The following NELL2 variants were observed in gnomAD, a reference collection of about 807,000 sequenced individuals.
NELL2 encodes the protein neural EGFL like 2, also known as protein kinase C-binding protein NELL2.
Under a neutral mutation model 109.6 loss-of-function variants are expected in NELL2, and 41 were observed. The observed-to-expected ratio is 0.37, with a 90% confidence interval of 0.29 to 0.49. NELL2 has a LOEUF of 0.49. Ranked by LOEUF, NELL2 falls within the 20% of genes least tolerant of loss-of-function variation. The pLI is 0.98. For synonymous variants in NELL2, 355 were observed against 344.7 expected (o/e 1.03, Z -0.33); for missense variants, 900 against 1,008.3 (o/e 0.89, Z 1.45).
Position 44,702,591 on chromosome 12 carries a change from A to G in NELL2, c.1318+1135T>C, listed in dbSNP as rs770438776. On this transcript the variant is annotated intron_variant, in intron 12 of 19. Transcript: ENST00000429094. Reference sequence around the variant, plus strand: ...AATCAAAATACATTAGTTTCCTAAGAAAGTTTACCTCTATGTTATGTAAGG... The same window carrying G: ...AATCAAAATACATTAGTTTCCTAAGGAAGTTTACCTCTATGTTATGTAAGG... 2.6e-5 allele frequency among the ~76,000 whole-genome samples: 4 copies of G among 152,300 alleles called. No individual in the cohort carries two copies. The South Asian group carries it at 8.3e-4, about 32-fold the overall frequency.
At chr12:44,918,879 G>T (rs1474081649), upstream of NELL2, among the ~76,000 whole-genome samples, 1 of 152,142 alleles carries the variant, frequency 6.6e-6, no homozygotes, top group Admixed American at 6.6e-5. Context: ...GGTAGTCCCT[G>T]ATTCCCAATG....
chr12:44,617,821 A>G (rs1945895430), intron 13 of NELL2, among the ~76,000 whole-genome samples: 1 of 152,004 alleles, frequency 6.6e-6, no homozygotes, highest in African/African-American at 2.4e-5. Context: ...CAGTGGGACA[A>G]TTTCTTTTGC....
intron 9 of NELL2, among the ~76,000 whole-genome samples, chr12:44,758,559 T>C (rs1307991660): frequency 6.6e-6 from 1 of 152,190 alleles, no homozygotes; most frequent in African/African-American, 2.4e-5. Context: ...GGTCAAAATA[T>C]GAAACACCTT....
intron 3 of NELL2, among the ~76,000 whole-genome samples, chr12:44,814,239 C>A (rs1366052116): frequency 1.3e-5 from 2 of 152,136 alleles, no homozygotes; most frequent in African/African-American, 4.8e-5. Context: ...TAAGGGATGT[C>A]ATCTGGAAGA....
chr12:44,766,125 C>T (rs1941325226), intron 9 of NELL2, among the ~76,000 whole-genome samples: 3 of 151,948 alleles, frequency 2.0e-5, no homozygotes. Flanking sequence ...CTGAATTCTG[C>T]TTTATCACAA....
chr12:44,587,307 A>ATATTTTTT (rs1302978950), intron 15 of NELL2, among the ~76,000 whole-genome samples: 10 of 96,646 alleles, frequency 1.0e-4, no homozygotes, highest in African/African-American at 4.2e-4. Context: ...ATATATATAT[A>ATATTTTTT]TTTTTTTTTA....
chr12:44,902,017 C>G (rs1945666294), intron 1 of NELL2, among the ~76,000 whole-genome samples: 1 of 152,174 alleles, frequency 6.6e-6, no homozygotes, highest in South Asian at 2.1e-4. Context: ...TCTCTCATCA[C>G]TCCTATTCAA....
chr12:44,850,803 T>C lies in NELL2; in HGVS notation c.184+24422A>G, dbSNP rs1944511309. Among the ~76,000 whole-genome samples the C allele has an allele frequency of 2.0e-5, 3 of 152,300 alleles. 1 individual carries two copies. The South Asian group carries it at 6.2e-4, about 32-fold the overall frequency. On this transcript the variant is annotated intron_variant, in intron 2 of 19. Transcript: ENST00000429094. ...GCCCTTGCAATACCATTAAATGGAA[T>C]CTGCTCCCAAAGGGACTGCATAAAC...
chr12:44,612,685 G>T (rs985452614), intron 13 of NELL2, among the ~76,000 whole-genome samples: 3 of 151,870 alleles, frequency 2.0e-5, no homozygotes, highest in Non-Finnish European at 2.9e-5. Context: ...TTTGAATGAG[G>T]TTTGCACCTG....
intron 3 of NELL2, among the ~76,000 whole-genome samples, chr12:44,783,164 T>C (rs934171062): frequency 6.6e-5 from 10 of 151,672 alleles, no homozygotes; most frequent in African/African-American, 2.2e-4. Flanking sequence ...CTCAGGGAAA[T>C]TTTTAAAAAT....
intron 9 of NELL2, among the ~76,000 whole-genome samples, chr12:44,743,251 T>C (rs1244888498): frequency 6.6e-6 from 1 of 152,130 alleles, no homozygotes; most frequent in Non-Finnish European, 1.5e-5. Flanking sequence ...AAGCAAATGC[T>C]GAGAGATTTT....
chr12:44,709,557 C>T (rs567730715), intron 11 of NELL2, among the ~76,000 whole-genome samples: 73 of 152,250 alleles, frequency 4.8e-4, no homozygotes, highest in African/African-American at 1.5e-3. Flanking sequence ...GAATTCCTGA[C>T]CCACAATACT....
At chr12:44,723,203 A>C (rs570269430) in intron 9 of NELL2, among the ~76,000 whole-genome samples, 4 of 151,908 alleles carry the variant, frequency 2.6e-5, no homozygotes, top group East Asian at 1.9e-4. Context: ...AAAAAAAAAA[A>C]CTCAATGCCC....
chr12:44,688,836 A>C (rs1948814144), intron 12 of NELL2, among the ~76,000 whole-genome samples: 1 of 152,234 alleles, frequency 6.6e-6, no homozygotes, highest in South Asian at 2.1e-4. Context: ...TGTCCAAAAT[A>C]AGTTATTTGC....
At chr12:44,883,351 G>C (rs1376324075) in intron 1 of NELL2, among the ~76,000 whole-genome samples, 1 of 146,138 alleles carries the variant, frequency 6.8e-6, no homozygotes, top group Non-Finnish European at 1.5e-5. Context: ...AGCAACAGCA[G>C]GCAAAGTCTT....
chr12:44,680,890 G>A (rs1948474088), intron 12 of NELL2, among the ~76,000 whole-genome samples: 1 of 152,026 alleles, frequency 6.6e-6, no homozygotes, highest in Admixed American at 6.6e-5. Context: ...TTACTACAAT[G>A]TATGTTGCTT....
chr12:44,535,938 A>G (rs1942275817), intron 15 of NELL2, among the ~76,000 whole-genome samples: 1 of 151,958 alleles, frequency 6.6e-6, no homozygotes, highest in African/African-American at 2.4e-5. Context: ...AAAGATACCT[A>G]TGTCACAGAT....
intron 2 of NELL2, among the ~76,000 whole-genome samples, chr12:44,858,939 T>C (rs1486051148): frequency 2.0e-5 from 3 of 152,206 alleles, no homozygotes; most frequent in Non-Finnish European, 2.9e-5. Context: ...TCAGATATTT[T>C]TGCAAACACA....
At chr12:44,561,658 G>A (rs977462298) in intron 15 of NELL2, among the ~76,000 whole-genome samples, 1 of 152,068 alleles carries the variant, frequency 6.6e-6, no homozygotes, top group African/African-American at 2.4e-5. Context: ...CACTGCTCAA[G>A]GAAATAAGAG....
Sources: allele counts gnomAD v4.1 joint callset (sites outside exome capture counted in the v4.1 genomes callset), GRCh38; gene constraint gnomAD v4.1.1; transcripts MANE v1.5; gene names NCBI Gene and HGNC (gene_info 2026-07-23, HGNC 2026-07-21).